Variants in ERC1 observed in about 807,000 individuals in gnomAD.
ERC1 encodes ELKS/RAB6-interacting/CAST family member 1.
In ERC1, 56 loss-of-function variants were observed where a neutral mutation model predicts 132.0. The observed-to-expected ratio is 0.42, with a 90% CI of 0.34 to 0.53. The LOEUF (loss-of-function observed/expected upper bound fraction) is 0.53, where lower values mean the gene tolerates loss of function less well. ERC1 is among the 20% of genes least tolerant of loss of function. The probability of loss-of-function intolerance (pLI) is 0.03; values close to 1 mark genes in which losing one functional copy is unlikely to be tolerated. For synonymous variants in ERC1, 478 were observed against 476.1 expected (o/e 1.00, Z -0.05); for missense variants, 1,202 against 1,349.9 (o/e 0.89, Z 1.72).
intron 1 of ERC1, among the ~76,000 whole-genome samples, chr12:995,119 T>C (rs1254158086): frequency 6.0e-5 from 9 of 149,392 alleles, no homozygotes; most frequent in Non-Finnish European, 8.9e-5. Flanking sequence ...AAAATTAGCA[T>C]GGCAGTATGT....
At chr12:1,163,512 G>A (rs1040677324) in intron 8 of ERC1, among the ~76,000 whole-genome samples, 2 of 152,174 alleles carry the variant, frequency 1.3e-5, no homozygotes, top group African/African-American at 4.8e-5. Context: ...AAACGCAGTG[G>A]CATAAACAAC....
In ERC1 at chr12:1,492,375, G is replaced by A. The variant is rs531628149; in HGVS notation, c.*2145G>A. ...TATCCACCATAACGTAAAGAACTGC[G>A]GTGTGATAACAGCCTTCACGGGGCC... On this transcript the variant is annotated 3_prime_UTR_variant, in exon 19 of 19. Coordinates refer to ENST00000360905, the MANE Select transcript of ERC1 (RefSeq NM_178040.4). 3.9e-5 allele frequency: 9 copies of A among 233,222 alleles called. No individual in the cohort carries two copies. In the East Asian group the frequency reaches 4.2e-4, roughly 11 times the overall value. The allele number at this position is 233,222 out of a possible 1,614,324, so 14.4% of individuals were successfully genotyped here. A position where few individuals can be genotyped will look rare whatever the true frequency, so the allele number is the denominator to read the frequency against.
intron 15 of ERC1, among the ~76,000 whole-genome samples, chr12:1,339,773 G>C (rs2083652345): frequency 6.6e-6 from 1 of 152,174 alleles, no homozygotes; most frequent in Non-Finnish European, 1.5e-5. Flanking sequence ...CCCCAGGCAG[G>C]GGTGGTTGCT....
chr12:1,489,725 G>A (rs1003703846), intron 18 of ERC1, among the ~76,000 whole-genome samples: 4 of 152,120 alleles, frequency 2.6e-5, no homozygotes, highest in African/African-American at 9.7e-5. Flanking sequence ...GTTCCCTTAG[G>A]GCGAGGGTCG....
At chr12:1,303,297 A>C (rs1426621101) in intron 15 of ERC1, among the ~76,000 whole-genome samples, 2 of 152,234 alleles carry the variant, frequency 1.3e-5, no homozygotes, top group African/African-American at 4.8e-5. Context: ...CATTTTACCC[A>C]CAGTAGAACT....
intron 7 of ERC1, among the ~76,000 whole-genome samples, chr12:1,121,098 C>G (rs113607570): frequency 7.9e-5 from 12 of 152,226 alleles, no homozygotes; most frequent in African/African-American, 2.9e-4. Context: ...CTTTCATTTT[C>G]CCAGTTAATT....
intron 1 of ERC1, among the ~76,000 whole-genome samples, chr12:998,655 G>A (rs1010930561): frequency 6.6e-6 from 1 of 152,176 alleles, no homozygotes; most frequent in Admixed American, 6.5e-5. Flanking sequence ...ACTAGGTCCA[G>A]TGCACTCAAG....
chr12:1,068,626 G>A (rs546606706), intron 2 of ERC1, among the ~76,000 whole-genome samples: 1 of 144,668 alleles, frequency 6.9e-6, no homozygotes, highest in South Asian at 2.2e-4. Flanking sequence ...TCATACCCTT[G>A]AAGCTCTGAT....
chr12:1,470,484 A>T, intron 18 of ERC1, among the ~76,000 whole-genome samples: 1 of 146,128 alleles, frequency 6.8e-6, no homozygotes. Context: ...CCCTTTTGAC[A>T]CTTTTCATTT....
At chr12:1,263,559 A>G (rs1165463871) in intron 14 of ERC1, among the ~76,000 whole-genome samples, 1 of 152,212 alleles carries the variant, frequency 6.6e-6, no homozygotes, top group Non-Finnish European at 1.5e-5. Context: ...GATCCCATAT[A>G]TATTTATGTA....
intron 12 of ERC1, among the ~76,000 whole-genome samples, chr12:1,201,170 C>G (rs1222429336): frequency 6.6e-6 from 1 of 151,560 alleles, no homozygotes; most frequent in East Asian, 1.9e-4. Context: ...TCCTTTTTGT[C>G]ACAATGAAAT....
intron 15 of ERC1, among the ~76,000 whole-genome samples, chr12:1,310,704 C>T (rs1232128345): frequency 6.6e-6 from 1 of 152,208 alleles, no homozygotes; most frequent in Non-Finnish European, 1.5e-5. Flanking sequence ...AAAGATTTTC[C>T]GTATTTATCC....
intron 16 of ERC1, among the ~76,000 whole-genome samples, chr12:1,400,461 G>A (rs79940740): frequency 0.013 from 1,926 of 151,016 alleles, 46 homozygotes; most frequent in African/African-American, 0.045. Context: ...TGCCGCTTTC[G>A]CTCTTTGGGT....
chr12:1,081,548 C>T (rs923888908), intron 2 of ERC1, among the ~76,000 whole-genome samples: 1 of 152,156 alleles, frequency 6.6e-6, no homozygotes, highest in Non-Finnish European at 1.5e-5. Context: ...TGAATGCCAG[C>T]TCTATCACTT....
chr12:1,469,671 G>A (rs558212234), intron 18 of ERC1, among the ~76,000 whole-genome samples: 10 of 152,322 alleles, frequency 6.6e-5, no homozygotes, highest in East Asian at 1.9e-4. Flanking sequence ...GACTGGAAAC[G>A]TCCCGGGAGT....
chr12:1,275,386 G>T (rs1397674536), intron 14 of ERC1, among the ~76,000 whole-genome samples: 3 of 152,160 alleles, frequency 2.0e-5, no homozygotes, highest in Non-Finnish European at 4.4e-5. Context: ...TACTCAGGAG[G>T]CTGAGGCAGG....
At chr12:997,121 T>A (rs1193448164) in intron 1 of ERC1, among the ~76,000 whole-genome samples, 1 of 152,242 alleles carries the variant, frequency 6.6e-6, no homozygotes, top group Admixed American at 6.5e-5. Context: ...GGCGTCATTA[T>A]GTTGCCCAGG....
chr12:1,419,358 T>C (rs2092330512), intron 17 of ERC1, among the ~76,000 whole-genome samples: 1 of 151,930 alleles, frequency 6.6e-6, no homozygotes, highest in African/African-American at 2.4e-5. Flanking sequence ...TCCAAAATTA[T>C]ACGTCCTGGA....
rs2079615333 is a variant in ERC1, at chr12:1,293,364, A to T, written c.2780+3352A>T. On this transcript the variant is annotated intron_variant, in intron 15 of 18. Coordinates refer to ENST00000360905, the MANE Select transcript of ERC1 (RefSeq NM_178040.4). Reference sequence around the variant, plus strand: ...GCTACTCGGGAGGCTGAGGCGGGAGAATAGCATCAACCCAGGAGGCGGAGC... The same window carrying T: ...GCTACTCGGGAGGCTGAGGCGGGAGTATAGCATCAACCCAGGAGGCGGAGC... Among the ~76,000 whole-genome samples the T allele has an allele frequency of 2.7e-5, 4 of 145,694 alleles. No homozygotes were observed. In the South Asian group the frequency reaches 9.2e-4, roughly 33 times the overall value.
Sources: allele counts gnomAD v4.1 joint callset (sites outside exome capture counted in the v4.1 genomes callset), GRCh38; gene constraint gnomAD v4.1.1; transcripts MANE v1.5; gene names NCBI Gene and HGNC (gene_info 2026-07-23, HGNC 2026-07-21).